The following BCL9 variants were observed in gnomAD, a reference collection of about 807,000 sequenced individuals.
The protein encoded by BCL9 is BCL9 transcription coactivator.
A neutral mutation model predicts 88.5 loss-of-function variants in BCL9; 25 were observed. The observed-to-expected ratio is 0.28, with a 90% CI of 0.21 to 0.39. BCL9 has a LOEUF of 0.39. Ranked by LOEUF, BCL9 falls within the 10% of genes least tolerant of loss-of-function variation. The probability of loss-of-function intolerance (pLI) is 1.00; values close to 1 mark genes in which losing one functional copy is unlikely to be tolerated. For missense variants in BCL9, 1,817 were observed against 1,877.8 expected, an observed-to-expected ratio of 0.97 and a Z score of 0.60; for synonymous variants, 711 against 673.3, an observed-to-expected ratio of 1.06 and a Z score of -0.87.
chr1:147,567,990 A>G (rs1655686897), intron 1 of BCL9, among the ~76,000 whole-genome samples: 1 of 152,222 alleles, frequency 6.6e-6, no homozygotes, highest in African/African-American at 2.4e-5. Flanking sequence ...ATGCACACAC[A>G]AACACTAGCA....
At chr1:147,622,085 C>T (rs1012924614) in intron 8 of BCL9, among the ~76,000 whole-genome samples, 186 bp from the exon 9 acceptor site, 2 of 152,130 alleles carry the variant, frequency 1.3e-5, no homozygotes, top group African/African-American at 2.4e-5. Flanking sequence ...CATATCACAC[C>T]ACAGTCTCCC....
intron 1 of BCL9, among the ~76,000 whole-genome samples, chr1:147,564,199 TTGTTC>T (rs1249879669): frequency 1.3e-5 from 2 of 152,116 alleles, no homozygotes; most frequent in African/African-American, 4.8e-5. Context: ...TCTCGTAGGA[TTGTTC>T]TGTTGAGTGC....
chr1:147,589,323 C>T (rs782389578), intron 1 of BCL9, among the ~76,000 whole-genome samples: 4 of 152,142 alleles, frequency 2.6e-5, no homozygotes, highest in Admixed American at 1.3e-4. Flanking sequence ...CTTCACTTTT[C>T]CAAAACACAG....
Position 147,613,062 on chromosome 1 carries a change from G to A in BCL9, c.233G>A (p.Gly78Asp). Reference protein sequence around the residue: ...SGGHTPKALPGPGGSMGLKNG... With the variant: ...SGGHTPKALPDPGGSMGLKNG... ...GGCCATACCCCTAAAGCACTCCCTG[G>A]CCCAGGTGGGAGCATGGGGCTGAAG... Residue 78 changes from glycine to aspartate, a missense_variant, in exon 5 of 10, where the codon GGC becomes GAC. This residue lies in a region of BCL9 where 1,228 missense variants were observed against 1,191.6 expected (regional missense o/e 1.03). Coordinates refer to ENST00000234739, the MANE Select transcript of BCL9 (RefSeq NM_004326.4). The A allele has an allele frequency of 3.7e-6, 6 of 1,613,446 alleles. No individual in the cohort carries two copies. The highest frequency in any genetic ancestry group is 5.1e-6 in the Non-Finnish European group (6 of 1,179,520).
chr1:147,618,893 G>T lies in BCL9; in HGVS notation c.738G>T (p.Gln246His), dbSNP rs369846270. ...CCCCAGCTCCGGCCAACCAGGACCA[G>T]AATTCTTCCCAGAATACCAGACTGC... is the stretch of plus-strand genomic sequence containing the variant. ...QQPPAPANQDQNSSQNTRLQP... is the reference protein window; with the variant it reads ...QQPPAPANQDHNSSQNTRLQP... The change falls in exon 8 of 10, where the codon CAG becomes CAT. Residue 246 changes from glutamine to histidine, a missense_variant. By Grantham distance (24) the Gln-to-His change is conservative. Transcript: ENST00000234739. 1.2e-6 allele frequency: 2 copies of T among 1,612,580 alleles called. No homozygotes were observed. The highest frequency in any genetic ancestry group is 1.7e-5 in the Admixed American group (1 of 59,828).
chr1:147,616,270 GAAA>G (rs1240903625), intron 7 of BCL9, among the ~76,000 whole-genome samples: 1 of 152,036 alleles, frequency 6.6e-6, no homozygotes, highest in African/African-American at 2.4e-5. Context: ...AGAAAGAACA[GAAA>G]AAAAGCAACA....
At chr1:147,572,083 C>A (rs1399020987) in intron 1 of BCL9, among the ~76,000 whole-genome samples, 2 of 150,590 alleles carry the variant, frequency 1.3e-5, no homozygotes. Flanking sequence ...ACTAAAAATA[C>A]AAAAAAAAAT....
In BCL9 at chr1:147,620,317, A is replaced by G. The variant is rs782281083; in HGVS notation, c.2162A>G (p.Asn721Ser). The change falls in exon 8 of 10, where the codon AAT (asparagine) becomes AGT (serine). Residue 721 changes from asparagine (N) to serine (S), a missense_variant. By Grantham distance (46) the Asn-to-Ser change is conservative. This residue lies in a region of BCL9 where 1,228 missense variants were observed against 1,191.6 expected (regional missense o/e 1.03). Transcript: ENST00000234739. Reference sequence around the variant, plus strand: ...CCTAGTGGGATGAAGGGAGATGTCAATCTAAATGTCAACATGGGATCCAAC... The same window carrying G: ...CCTAGTGGGATGAAGGGAGATGTCAGTCTAAATGTCAACATGGGATCCAAC... ...MVPSGMKGDV[N>S]LNVNMGSNSQ... is the part of the protein sequence containing the mutation. 6.8e-6 allele frequency: 11 copies of G among 1,614,164 alleles called. No individual in the cohort carries two copies. The highest frequency in any genetic ancestry group is 1.3e-5 in the African/African-American group (1 of 75,044).
In BCL9 at chr1:147,620,018, C is replaced by T. The variant is rs1553204859; in HGVS notation, c.1863C>T (p.Phe621=). The change falls in exon 8 of 10, where the codon TTC becomes TTT. Residue 621 remains phenylalanine, a synonymous_variant. Coordinates refer to ENST00000234739, the MANE Select transcript of BCL9 (RefSeq NM_004326.4). ...GCGGTCCTGGCCGAGGGGAACGCTT[C>T]CCAAACCCCCAAGGATTGTCTGAAG... ...IFSGPGRGER[F]PNPQGLSEEM... The T allele has an allele frequency of 6.2e-7, 1 of 1,614,184 alleles. No individual in the cohort carries two copies. The highest frequency in any genetic ancestry group is 1.1e-5 in the South Asian group (1 of 91,080).
rs1208628576 is a variant in BCL9 at position 147,618,917 on chromosome 1, G to A, written c.762G>A (p.Leu254=). 3.1e-6 allele frequency: 5 copies of A among 1,613,820 alleles called. No homozygotes were observed. The highest frequency in any genetic ancestry group is 4.2e-6 in the Non-Finnish European group (5 of 1,179,858). The change falls in exon 8 of 10, where the codon CTG becomes CTA. Residue 254 remains leucine (L), a synonymous_variant. Transcript: ENST00000234739. ...QDQNSSQNTR[L]QPTPPIPAPA... ...AGAATTCTTCCCAGAATACCAGACT[G>A]CAGCCAACTCCACCCATTCCGGCAC...
intron 1 of BCL9, among the ~76,000 whole-genome samples, chr1:147,550,170 C>T (rs1240472428): frequency 2.6e-5 from 4 of 152,046 alleles, no homozygotes; most frequent in Admixed American, 1.3e-4. Flanking sequence ...TGGAGCTGTC[C>T]GTGAGCCAGA....
At chr1:147,572,180 T>C (rs1248122262) in intron 1 of BCL9, among the ~76,000 whole-genome samples, 1 of 152,190 alleles carries the variant, frequency 6.6e-6, no homozygotes, top group Non-Finnish European at 1.5e-5. Flanking sequence ...AGGCGGAGTT[T>C]GCAGTGAGCC....
chr1:147,593,006 C>T (rs1165556741), intron 1 of BCL9, among the ~76,000 whole-genome samples: 2 of 152,164 alleles, frequency 1.3e-5, no homozygotes, highest in Non-Finnish European at 2.9e-5. Flanking sequence ...CGCGTCTCCC[C>T]TTGTAAGCAT....
At chr1:147,575,076 G>A (rs1054594221) in intron 1 of BCL9, among the ~76,000 whole-genome samples, 1 of 152,166 alleles carries the variant, frequency 6.6e-6, no homozygotes, top group Admixed American at 6.5e-5. Flanking sequence ...TGTTTATTGA[G>A]CATTTACTAT....
chr1:147,624,653 C>T lies in BCL9; in HGVS notation c.3975C>T (p.Gly1325=). Residue 1325 remains glycine (G), a synonymous_variant, in exon 10 of 10, where the codon GGC becomes GGT. Coordinates refer to ENST00000234739, the MANE Select transcript of BCL9 (RefSeq NM_004326.4). This position sits in a 1 kb window ranked among gnomAD's most constrained non-coding sequence, Gnocchi z 4.4. ...PMRPPAFLQQ[G]MMGPHHRMMS... Reference sequence around the variant, plus strand: ...GACCACCAGCCTTTCTCCAACAAGGCATGATGGGACCTCACCATCGGATGA... The same window carrying T: ...GACCACCAGCCTTTCTCCAACAAGGTATGATGGGACCTCACCATCGGATGA... 1 of 1,614,242 alleles carries T rather than the reference C, an allele frequency of 6.2e-7. No individual in the cohort carries two copies. Among genetic ancestry groups the T allele is most frequent in the Non-Finnish European group, 8.5e-7 (1 of 1,180,058 alleles).
intron 7 of BCL9, among the ~76,000 whole-genome samples, chr1:147,618,429 G>A (rs1160770088): frequency 6.6e-6 from 1 of 152,142 alleles, no homozygotes; most frequent in African/African-American, 2.4e-5. Context: ...AAAGAAAAAG[G>A]TGTTAGGTAC....
chr1:147,621,048 G>T lies in BCL9; in HGVS notation c.2893G>T (p.Val965Leu). 6.2e-7 allele frequency: 1 copy of T among 1,612,632 alleles called. No homozygotes were observed. The highest frequency in any genetic ancestry group is 8.5e-7 in the Non-Finnish European group (1 of 1,179,536). The change falls in exon 8 of 10, where the codon GTA (valine) becomes TTA (leucine). Residue 965 changes from valine (V) to leucine (L), a missense_variant. Val to Leu is a conservative substitution (Grantham distance 32). This residue lies in a region of BCL9 where 589 missense variants were observed against 686.2 expected (regional missense o/e 0.86). Coordinates refer to ENST00000234739, the MANE Select transcript of BCL9 (RefSeq NM_004326.4). The part of the protein sequence containing the change: ...TMASPAMLGN[V>L]ESGGPPPPTA... ...GGCCTCCCCAGCCATGCTGGGAAAT[G>T]TAGAGTCAGGTCAGTATGCTTGCAT...
chr1:147,604,576 G>A (rs1657564187), intron 1 of BCL9, among the ~76,000 whole-genome samples: 1 of 152,086 alleles, frequency 6.6e-6, no homozygotes, highest in Admixed American at 6.5e-5. Context: ...GATGGATTTG[G>A]GCTGCAGTGA....
chr1:147,586,430 T>G (rs1656604165), intron 1 of BCL9, among the ~76,000 whole-genome samples: 1 of 152,194 alleles, frequency 6.6e-6, no homozygotes, highest in South Asian at 2.1e-4. Flanking sequence ...ACTCTCCCAC[T>G]GGGTCCGTTC....
Sources: allele counts gnomAD v4.1 joint callset (sites outside exome capture counted in the v4.1 genomes callset), GRCh38; gene constraint gnomAD v4.1.1; regional missense constraint gnomAD v4.1.1; non-coding constraint Gnocchi (gnomAD v3.1); transcripts MANE v1.5; gene names NCBI Gene and HGNC (gene_info 2026-07-23, HGNC 2026-07-21).